Variants in PUM1 observed in about 807,000 individuals in gnomAD.
PUM1 encodes the protein pumilio RNA binding family member 1.
PUM1 carries 13 observed loss-of-function variants against 131.8 expected under a neutral mutation model. The ratio of observed to expected loss-of-function variants is 0.10; its 90% confidence interval spans 0.06 to 0.16. The LOEUF (loss-of-function observed/expected upper bound fraction) is 0.16, where lower values mean the gene tolerates loss of function less well. PUM1 is among the 10% of genes least tolerant of loss of function. PUM1 has a pLI of 1.00. For synonymous variants in PUM1, 509 were observed against 556.5 expected (o/e 0.91, Z 1.20); for missense variants, 961 against 1,512.4 (o/e 0.64, Z 6.05).
chr1:30,996,423 T>G (rs1304285156), intron 5 of PUM1, among the ~76,000 whole-genome samples: 1 of 152,128 alleles, frequency 6.6e-6, no homozygotes, highest in Non-Finnish European at 1.5e-5. Flanking sequence ...GGCCTGTAGA[T>G]CCAAAACCAA....
chr1:31,017,238 CAG>C (rs1239709071), intron 3 of PUM1, among the ~76,000 whole-genome samples: 1 of 152,076 alleles, frequency 6.6e-6, no homozygotes, highest in Non-Finnish European at 1.5e-5. Flanking sequence ...AAAGAAAAAC[CAG>C]AGTCAAACGG....
chr1:30,933,439 TACACACACACAC>T lies in PUM1; in HGVS notation c.3436-109_3436-98del, dbSNP rs58664754. On this transcript the variant is annotated intron_variant, in intron 21 of 21. Transcript: ENST00000426105. The stretch of plus-strand genomic sequence containing the variant: ...TTGCATGTCATGCATCACACACACA[TACACACACACAC>T]ACACACACACACACACACACACACA... 7.6e-3 allele frequency: 2,756 copies of T among 363,890 alleles called. 9 individuals carry two copies. Among genetic ancestry groups the T allele is most frequent in the African/African-American group, 9.2e-3 (362 of 39,446 alleles). The allele number at this position is 363,890 out of a possible 1,614,324, so 22.5% of individuals were successfully genotyped here.
chr1:30,946,053 G>A (rs1319386444), intron 17 of PUM1, among the ~76,000 whole-genome samples: 3 of 151,600 alleles, frequency 2.0e-5, no homozygotes, highest in East Asian at 3.9e-4. Flanking sequence ...CCCAAGTGCT[G>A]GAATTACAGG....
At chr1:30,988,736 T>C (rs1641662121) in intron 7 of PUM1, among the ~76,000 whole-genome samples, 1 of 152,232 alleles carries the variant, frequency 6.6e-6, no homozygotes, top group South Asian at 2.1e-4. Flanking sequence ...TTCTACTCTC[T>C]TCAGCCTAGG....
chr1:30,952,428 C>A (rs1639971664), intron 15 of PUM1, 65 bp from the exon 16 acceptor site: 1 of 1,607,974 alleles, frequency 6.2e-7, no homozygotes. Context: ...CATCAGTGTA[C>A]CTCGGTTTAT....
intron 14 of PUM1, among the ~76,000 whole-genome samples, chr1:30,955,611 G>A (rs1435961218): frequency 6.6e-6 from 1 of 152,114 alleles, no homozygotes; most frequent in African/African-American, 2.4e-5. Context: ...AAGGCCAAAG[G>A]AGGTAAGAAA....
At chr1:31,001,809 T>C (rs1642226283) in intron 5 of PUM1, among the ~76,000 whole-genome samples, 1 of 152,244 alleles carries the variant, frequency 6.6e-6, no homozygotes, top group African/African-American at 2.4e-5. Context: ...TAGGAAACTT[T>C]TAAGGCTCTA....
rs770796897 is a variant in PUM1 at position 30,995,184 on chromosome 1, C to T, written c.757G>A (p.Gly253Ser). 10 of 1,613,974 alleles carry T rather than the reference C, an allele frequency of 6.2e-6. 1 individual carries two copies. The African/African-American group carries it at 8.0e-5, about 13-fold the overall frequency. ...AACGTACCCTTGTTCTTCTTTTCACCTTTGTCGTTTTCATCACTGTCTGCA... is the reference window on the plus strand; with the variant it reads ...AACGTACCCTTGTTCTTCTTTTCACTTTTGTCGTTTTCATCACTGTCTGCA... ...RDADSDENDK[G>S]EKKNKGTFDG... is the part of the protein sequence containing the mutation. The change falls in exon 6 of 22, where the codon GGT becomes AGT. Residue 253 changes from glycine (G) to serine (S), a missense_variant. Physicochemically the swap from Gly to Ser is moderately conservative, Grantham distance 56 (BLOSUM62 0). This residue lies in a region of PUM1 where 654 missense variants were observed against 923.9 expected (regional missense o/e 0.71). Coordinates refer to ENST00000426105, the MANE Select transcript of PUM1 (RefSeq NM_001020658.2).
intron 14 of PUM1, among the ~76,000 whole-genome samples, chr1:30,959,092 A>G (rs1640296893): frequency 6.6e-6 from 1 of 152,244 alleles, no homozygotes; most frequent in Non-Finnish European, 1.5e-5. Context: ...TAAAAATCTG[A>G]ACCTATAAGA....
intron 17 of PUM1, among the ~76,000 whole-genome samples, chr1:30,946,359 C>G (rs1322061867): frequency 5.4e-5 from 8 of 149,030 alleles, no homozygotes; most frequent in Non-Finnish European, 1.2e-4. Flanking sequence ...AAATCATAGG[C>G]CAGGTGCAGT....
At chr1:31,019,459 T>C (rs1642943412) in intron 3 of PUM1, among the ~76,000 whole-genome samples, 1 of 152,248 alleles carries the variant, frequency 6.6e-6, no homozygotes, top group South Asian at 2.1e-4. Context: ...AGGGGTTTCC[T>C]GTTTTCTGCA....
chr1:31,049,222 A>C (rs1371065771), intron 2 of PUM1, among the ~76,000 whole-genome samples: 1 of 150,774 alleles, frequency 6.6e-6, no homozygotes, highest in Non-Finnish European at 1.5e-5. Context: ...AAAACAAAAA[A>C]CTACAAAAAT....
chr1:30,970,900 G>A lies in PUM1; in HGVS notation c.1507-2408C>T, dbSNP rs545592652. ...AGGTGTTCTGTGAAAGGGCAGGTGTGGTAGAGTGGACAAGGTACCTAAAGA... is the reference window on the plus strand; with the variant it reads ...AGGTGTTCTGTGAAAGGGCAGGTGTAGTAGAGTGGACAAGGTACCTAAAGA... On this transcript the variant is annotated intron_variant, in intron 10 of 21. Coordinates refer to ENST00000426105, the MANE Select transcript of PUM1 (RefSeq NM_001020658.2). 3.8e-4 allele frequency among the ~76,000 whole-genome samples: 58 copies of A among 152,260 alleles called. 1 individual carries two copies. The highest frequency in any genetic ancestry group is 3.5e-3 in the South Asian group (17 of 4,826).
chr1:31,039,774 T>C (rs1170262097), intron 2 of PUM1, among the ~76,000 whole-genome samples: 1 of 152,000 alleles, frequency 6.6e-6, no homozygotes, highest in Non-Finnish European at 1.5e-5. Flanking sequence ...GGTGGCGCAC[T>C]TGTAATCCCA....
At position 30,932,820 on chromosome 1, in the gene PUM1, T is replaced by G. The variant is rs1639015001; in HGVS notation, c.*391A>C. ...CGGCCAGGCAAATGAGCTAAAAACC[T>G]TTTCCTTTTTTTCTTTTTTTTTTAA... On this transcript the variant is annotated 3_prime_UTR_variant, in exon 22 of 22. Transcript: ENST00000426105. The G allele has an allele frequency of 6.6e-6, 1 of 152,190 alleles. No homozygotes were observed. Among genetic ancestry groups the G allele is most frequent in the Non-Finnish European group, 1.5e-5 (1 of 68,324 alleles). 9.4% of individuals were successfully genotyped at this position (152,190 alleles called of 1,614,324 possible).
chr1:30,953,865 A>G lies in PUM1; in HGVS notation c.2440T>C (p.Ser814Pro), dbSNP rs896824879. 1.2e-6 allele frequency: 2 copies of G among 1,614,236 alleles called. No individual in the cohort carries two copies. Among genetic ancestry groups the G allele is most frequent in the Non-Finnish European group, 1.7e-6 (2 of 1,180,040 alleles). ...GACATTCCATATCGCAAACGAGAGG[A>G]AGAGAAAAGAGTGCTGCTCGGGCTG... ...LFSPSSTLFS[S>P]SRLRYGMSDV... Residue 814 changes from serine to proline, a missense_variant, in exon 15 of 22, where the codon TCC (serine) becomes CCC (proline). Around this residue, in one of 4 missense-constraint regions of PUM1, gnomAD observed 117 missense variants for 200.7 expected, o/e 0.58. Transcript: ENST00000426105.
intron 2 of PUM1, among the ~76,000 whole-genome samples, chr1:31,047,880 T>G (rs1021839130): frequency 1.3e-5 from 2 of 152,018 alleles, no homozygotes; most frequent in Non-Finnish European, 2.9e-5. Flanking sequence ...AGGTGGAGAT[T>G]GCAGTGAGCC....
intron 14 of PUM1, among the ~76,000 whole-genome samples, chr1:30,955,610 G>C (rs1331911432): frequency 1.3e-5 from 2 of 152,160 alleles, no homozygotes; most frequent in African/African-American, 2.4e-5. Context: ...AAAGGCCAAA[G>C]GAGGTAAGAA....
intron 2 of PUM1, among the ~76,000 whole-genome samples, chr1:31,031,638 C>T (rs1225615430): frequency 6.6e-6 from 1 of 152,162 alleles, no homozygotes; most frequent in African/African-American, 2.4e-5. Flanking sequence ...AGGAAGTTTC[C>T]ACCTCCAATA....
Sources: gnomAD v4.1 joint callset for allele counts (sites outside exome capture counted in the v4.1 genomes callset) on GRCh38, gnomAD v4.1.1 for gene constraint, gnomAD v4.1.1 regional missense constraint, MANE v1.5 for transcripts, NCBI Gene and HGNC (gene_info 2026-07-23, HGNC 2026-07-21) for gene names.